Variants in GALNT14 observed in about 807,000 individuals in gnomAD.
GALNT14 encodes UDP-GalNAc:polypeptide N-acetylgalactosaminyltransferase 14.
Under a neutral mutation model 77.5 loss-of-function variants are expected in GALNT14, and 60 were observed. That is an observed-to-expected ratio of 0.77 (90% CI 0.63 to 0.96). The LOEUF (loss-of-function observed/expected upper bound fraction) is 0.96, where lower values mean the gene tolerates loss of function less well. Among genes scored for constraint, GALNT14 ranks in the 40% least tolerant of loss-of-function variants. GALNT14 has a pLI of 0.00. For synonymous variants in GALNT14, 280 were observed against 281.7 expected (o/e 0.99, Z 0.06); for missense variants, 710 against 731.0 (o/e 0.97, Z 0.33).
intron 1 of GALNT14, among the ~76,000 whole-genome samples, chr2:31,051,600 T>G (rs1043214672): frequency 1.3e-5 from 2 of 152,198 alleles, no homozygotes; most frequent in Non-Finnish European, 2.9e-5. Context: ...TTGCATGAGC[T>G]AATGCCTTAA....
At chr2:30,989,583 A>ATATATATATATATATATATATATATATAT (rs56703340) in intron 2 of GALNT14, among the ~76,000 whole-genome samples, 5 of 91,830 alleles carry the variant, frequency 5.4e-5, no homozygotes, top group South Asian at 7.4e-4. Context: ...TATATATATA[A>ATATATATATATATATATATATATATATAT]AAATATATAT....
rs964580769 is a variant in GALNT14, at chr2:30,947,267, T to C, written c.655-1397A>G. ...TCTGCCACTCAGCTGCTAAAAACTT[T>C]AACTGCCTCTAAGACAAAGTACAAA... On this transcript the variant is annotated intron_variant, in intron 6 of 14. Transcript: ENST00000349752. Among the ~76,000 whole-genome samples the C allele has an allele frequency of 2.6e-5, 4 of 152,314 alleles. No homozygotes were observed. The East Asian group carries it at 7.7e-4, about 29-fold the overall frequency.
intron 1 of GALNT14, among the ~76,000 whole-genome samples, chr2:31,098,355 A>G (rs1430815117): frequency 1.3e-5 from 2 of 152,172 alleles, no homozygotes; most frequent in Non-Finnish European, 2.9e-5. Flanking sequence ...AAGCATTTAT[A>G]TACTTTTCTG....
chr2:30,987,534 T>A (rs1669374399), intron 2 of GALNT14, among the ~76,000 whole-genome samples: 1 of 152,118 alleles, frequency 6.6e-6, no homozygotes, highest in Non-Finnish European at 1.5e-5. Context: ...AAAAGAAAAA[T>A]GGCTACTCGC....
chr2:31,114,615 A>C (rs569943971), intron 1 of GALNT14: 3 of 622,048 alleles, frequency 4.8e-6, no homozygotes, highest in Admixed American at 5.9e-5. Context: ...AATAAAAATC[A>C]GGGGCAAAAA....
chr2:31,116,461 A>G (rs1015762397), intron 1 of GALNT14, among the ~76,000 whole-genome samples: 2 of 152,174 alleles, frequency 1.3e-5, no homozygotes, highest in Non-Finnish European at 2.9e-5. Context: ...TCAAATGCAA[A>G]TGAAAACAAA....
intron 3 of GALNT14, 31 bp from the exon 4 acceptor site, chr2:30,958,495 G>A (rs915938974): frequency 5.7e-6 from 9 of 1,591,558 alleles, no homozygotes; most frequent in Non-Finnish European, 7.8e-6. Context: ...AAAATCACTG[G>A]AACTTCTAGT....
At chr2:31,082,821 C>G (rs934990991) in intron 1 of GALNT14, among the ~76,000 whole-genome samples, 7 of 152,124 alleles carry the variant, frequency 4.6e-5, no homozygotes, top group African/African-American at 1.7e-4. Flanking sequence ...AGACCGAGAC[C>G]ATCCTGGCCA....
At chr2:30,905,030 GA>G in the GALNT14 span, among the ~76,000 whole-genome samples, 1 of 152,176 alleles carries the variant, frequency 6.6e-6, no homozygotes, top group Non-Finnish European at 1.5e-5. Flanking sequence ...CTAACAAACA[GA>G]AAGGACATCC....
chr2:31,041,825 C>A (rs1329162933), intron 1 of GALNT14, among the ~76,000 whole-genome samples: 2 of 152,106 alleles, frequency 1.3e-5, no homozygotes, highest in Non-Finnish European at 2.9e-5. Flanking sequence ...ATAATAGAGG[C>A]AGAGGATCTC....
intron 1 of GALNT14, among the ~76,000 whole-genome samples, chr2:31,056,157 A>AG (rs1043869155): frequency 2.0e-5 from 3 of 152,168 alleles, no homozygotes; most frequent in Non-Finnish European, 2.9e-5. Context: ...AGCAGGACTG[A>AG]GGGGGACACT....
At chr2:30,997,320 C>T (rs973450081) in intron 1 of GALNT14, among the ~76,000 whole-genome samples, 3 of 152,210 alleles carry the variant, frequency 2.0e-5, no homozygotes, top group Non-Finnish European at 4.4e-5. Context: ...GTTCTGGCCA[C>T]ACCATCACAG....
intron 11 of GALNT14, 57 bp downstream of exon 11, chr2:30,929,338 C>A: frequency 7.2e-7 from 1 of 1,394,704 alleles, no homozygotes; most frequent in South Asian, 1.2e-5. Flanking sequence ...TTGCATCGGT[C>A]CTAGGAGCTG....
intron 1 of GALNT14, among the ~76,000 whole-genome samples, chr2:31,036,730 T>G (rs1558513303): frequency 6.6e-6 from 1 of 152,222 alleles, no homozygotes; most frequent in Non-Finnish European, 1.5e-5. Flanking sequence ...TGAGAATGTT[T>G]TAATTTCTCC....
chr2:31,069,942 G>A (rs1244897225), intron 1 of GALNT14, among the ~76,000 whole-genome samples: 1 of 152,142 alleles, frequency 6.6e-6, no homozygotes, highest in Non-Finnish European at 1.5e-5. Flanking sequence ...GGAAAGAAAT[G>A]CATCAAAGCT....
intron 1 of GALNT14, among the ~76,000 whole-genome samples, chr2:31,133,218 A>G (rs768266134): frequency 6.6e-6 from 1 of 152,142 alleles, no homozygotes; most frequent in Non-Finnish European, 1.5e-5. Context: ...CTTTATTGCA[A>G]TTCCCCTGTC....
intron 1 of GALNT14, among the ~76,000 whole-genome samples, chr2:31,136,593 G>T (rs1679237840): frequency 6.6e-6 from 1 of 152,178 alleles, no homozygotes; most frequent in South Asian, 2.1e-4. Context: ...CACTGCCTGA[G>T]CACACAATAG....
chr2:30,994,712 A>C (rs1317077455), intron 1 of GALNT14, among the ~76,000 whole-genome samples: 1 of 149,860 alleles, frequency 6.7e-6, no homozygotes, highest in Admixed American at 6.6e-5. Context: ...TCCCATCCTC[A>C]TGGGAAGGGC....
Position 30,989,583 on chromosome 2 carries a change from A to ATATATATATATATATAT in GALNT14, c.299+3254_299+3255insATATATATATATATATA, listed in dbSNP as rs56703340. Among the ~76,000 whole-genome samples the ATATATATATATATATAT allele has an allele frequency of 4.3e-3, 392 of 91,644 alleles. 13 individuals are homozygous for ATATATATATATATATAT. Among genetic ancestry groups the ATATATATATATATATAT allele is most frequent in the East Asian group, 0.04 (127 of 3,210 alleles). 60.1% of individuals were successfully genotyped at this position (91,644 alleles called of 152,430 possible). ...CCTTATATATATATATATATATATA[A>ATATATATATATATATAT]AAATATATATATTAGTAGATATATA... On this transcript the variant is annotated intron_variant, in intron 2 of 14. Coordinates refer to ENST00000349752, the MANE Select transcript of GALNT14 (RefSeq NM_024572.4).
Sources: allele counts gnomAD v4.1 joint callset (sites outside exome capture counted in the v4.1 genomes callset), GRCh38; gene constraint gnomAD v4.1.1; transcripts MANE v1.5; gene names NCBI Gene and HGNC (gene_info 2026-07-23, HGNC 2026-07-21).